Variants in ARHGEF28 observed in about 807,000 individuals in gnomAD.
The protein encoded by ARHGEF28 is Rho guanine nucleotide exchange factor 28.
Under a neutral mutation model 206.6 loss-of-function variants are expected in ARHGEF28, and 152 were observed. The observed-to-expected ratio is 0.74, with a 90% CI of 0.64 to 0.84. The LOEUF is 0.84. Among genes scored for constraint, ARHGEF28 ranks in the 40% least tolerant of loss-of-function variants. The pLI is 0.00. For synonymous variants in ARHGEF28, 763 were observed against 776.4 expected (o/e 0.98, Z 0.29); for missense variants, 2,028 against 2,073.2 (o/e 0.98, Z 0.42).
At chr5:73,698,359 C>T (rs1748350239) in intron 2 of ARHGEF28, among the ~76,000 whole-genome samples, 1 of 152,146 alleles carries the variant, frequency 6.6e-6, no homozygotes, top group African/African-American at 2.4e-5. Context: ...AAATTACAAG[C>T]TAATCTTGTG....
intron 7 of ARHGEF28, among the ~76,000 whole-genome samples, chr5:73,792,516 AAG>A (rs1754538789): frequency 6.6e-6 from 1 of 152,222 alleles, no homozygotes; most frequent in African/African-American, 2.4e-5. Context: ...ATGATCATTT[AAG>A]AGTTTATGGC....
At chr5:73,644,690 C>T (rs751911589) in intron 1 of ARHGEF28, among the ~76,000 whole-genome samples, 6 of 152,166 alleles carry the variant, frequency 3.9e-5, no homozygotes, top group Non-Finnish European at 7.4e-5. Context: ...TTATTTTTCT[C>T]TTGCCTGTCT....
At chr5:73,631,331 C>T (rs1743352565) in intron 1 of ARHGEF28, among the ~76,000 whole-genome samples, 1 of 152,080 alleles carries the variant, frequency 6.6e-6, no homozygotes, top group African/African-American at 2.4e-5. Flanking sequence ...GTCACTGGTT[C>T]TTTTTCAACA....
At chr5:73,722,411 G>A (rs550781233) in intron 2 of ARHGEF28, among the ~76,000 whole-genome samples, 6 of 152,358 alleles carry the variant, frequency 3.9e-5, no homozygotes, top group South Asian at 4.1e-4. Flanking sequence ...CTACCAGAGT[G>A]TAAGGACTCA....
At chr5:73,858,241 C>T (rs772568984) in intron 16 of ARHGEF28, 22 bp downstream of exon 16, 143 of 1,548,132 alleles carry the variant, frequency 9.2e-5, no homozygotes, top group Admixed American at 2.0e-4. Context: ...GGTCTATGTG[C>T]GCTGTCTTTG....
chr5:73,726,809 C>T (rs1321461124), intron 2 of ARHGEF28, among the ~76,000 whole-genome samples: 1 of 152,158 alleles, frequency 6.6e-6, no homozygotes, highest in East Asian at 1.9e-4. Context: ...TTTTTTCCCG[C>T]TGCCCAACTG....
At chr5:73,794,554 G>A in intron 8 of ARHGEF28, 100 bp downstream of exon 8, 2 of 971,726 alleles carry the variant, frequency 2.1e-6, no homozygotes, top group East Asian at 5.5e-5. Flanking sequence ...CTAAAAAAAG[G>A]ATGTGCCCCA....
chr5:73,743,027 T>A (rs1561372369), intron 2 of ARHGEF28, among the ~76,000 whole-genome samples: 1 of 152,168 alleles, frequency 6.6e-6, no homozygotes, highest in African/African-American at 2.4e-5. Context: ...TTTGTAAAAT[T>A]GTTTGTATAT....
chr5:73,922,984 C>A (rs1217071738), intron 35 of ARHGEF28: 1 of 1,115,032 alleles, frequency 9.0e-7, no homozygotes, highest in Non-Finnish European at 1.3e-6. Flanking sequence ...AAGTACTTTT[C>A]ATTGGCATGG....
intron 1 of ARHGEF28, among the ~76,000 whole-genome samples, chr5:73,627,817 T>A (rs904019962): frequency 1.3e-5 from 2 of 152,140 alleles, no homozygotes; most frequent in Non-Finnish European, 2.9e-5. Context: ...CTATAGAGTG[T>A]GTGACTCAGA....
intron 4 of ARHGEF28, among the ~76,000 whole-genome samples, chr5:73,759,138 G>C (rs1752470136): frequency 9.2e-6 from 1 of 108,522 alleles, no homozygotes; most frequent in South Asian, 4.0e-4. Flanking sequence ...GAACTAGCAG[G>C]ACCCACTGAG....
intron 1 of ARHGEF28, among the ~76,000 whole-genome samples, chr5:73,653,690 C>A (rs1744985138): frequency 6.6e-6 from 1 of 152,210 alleles, no homozygotes; most frequent in African/African-American, 2.4e-5. Context: ...CTCTATAGCC[C>A]CTATCTGTCC....
At chr5:73,675,723 ACTCTGT>A in intron 1 of ARHGEF28, among the ~76,000 whole-genome samples, 1 of 126,864 alleles carries the variant, frequency 7.9e-6, no homozygotes, top group Admixed American at 8.6e-5. Context: ...ACAGAGCAAG[ACTCTGT>A]CTCAAAAAAA....
chr5:73,740,906 C>A (rs1393049590), intron 2 of ARHGEF28, among the ~76,000 whole-genome samples: 1 of 152,088 alleles, frequency 6.6e-6, no homozygotes, highest in Non-Finnish European at 1.5e-5. Context: ...ATTAAAATCC[C>A]AACTTGTGTC....
intron 1 of ARHGEF28, among the ~76,000 whole-genome samples, chr5:73,671,291 T>G (rs146359429): frequency 6.6e-6 from 1 of 152,328 alleles, no homozygotes; most frequent in African/African-American, 2.4e-5. Context: ...ATCTAGGACC[T>G]GACCCAAGTG....
At chr5:73,938,181 C>T (rs1308878638) in intron 35 of ARHGEF28, among the ~76,000 whole-genome samples, 1 of 151,290 alleles carries the variant, frequency 6.6e-6, no homozygotes, top group Non-Finnish European at 1.5e-5. Flanking sequence ...CACACACACA[C>T]ACACACACAC....
At chr5:73,894,178 T>C (rs1327880735) in intron 28 of ARHGEF28, among the ~76,000 whole-genome samples, 1 of 152,082 alleles carries the variant, frequency 6.6e-6, no homozygotes, top group Non-Finnish European at 1.5e-5. Context: ...GAAAAGACAA[T>C]GGAAGCTGAG....
At position 73,697,560 on chromosome 5, in the gene ARHGEF28, G is replaced by A. The variant is rs575974866; in HGVS notation, c.33+12676G>A. On this transcript the variant is annotated intron_variant, in intron 2 of 35. Coordinates refer to ENST00000513042, the MANE Select transcript of ARHGEF28 (RefSeq NM_001177693.2). ...CCTGAGGGGCTGAGTGTGCTCACACGATAGCTCAGGTCTCTCTCCCTCTTC... is the reference window on the plus strand; with the variant it reads ...CCTGAGGGGCTGAGTGTGCTCACACAATAGCTCAGGTCTCTCTCCCTCTTC... Among the ~76,000 whole-genome samples the A allele has an allele frequency of 7.9e-5, 12 of 152,058 alleles. 1 individual carries two copies. The highest frequency in any genetic ancestry group is 4.1e-4 in the South Asian group (2 of 4,820).
At chr5:73,721,893 T>A (rs1749972088) in intron 2 of ARHGEF28, among the ~76,000 whole-genome samples, 2 of 152,230 alleles carry the variant, frequency 1.3e-5, no homozygotes, top group African/African-American at 4.8e-5. Flanking sequence ...TCTGTCGGTA[T>A]TCCCTTTGTT....
Sources: gnomAD v4.1 joint callset for allele counts (sites outside exome capture counted in the v4.1 genomes callset) on GRCh38, gnomAD v4.1.1 for gene constraint, MANE v1.5 for transcripts, NCBI Gene and HGNC (gene_info 2026-07-23, HGNC 2026-07-21) for gene names.